The following AP1B1 variants were observed in gnomAD, a reference collection of about 807,000 sequenced individuals.
The protein encoded by AP1B1 is adaptor related protein complex 1 subunit beta 1.
A neutral mutation model predicts 104.3 loss-of-function variants in AP1B1; 36 were observed. That is an observed-to-expected ratio of 0.35 (90% CI 0.26 to 0.46). The LOEUF (loss-of-function observed/expected upper bound fraction) is 0.46, where lower values mean the gene tolerates loss of function less well. Among genes scored for constraint, AP1B1 ranks in the 20% least tolerant of loss-of-function variants. The pLI is 1.00. For missense variants in AP1B1, 901 were observed against 1,247.9 expected (o/e 0.72, Z 4.19); for synonymous variants, 504 against 517.5 (o/e 0.97, Z 0.35).
chr22:29,378,763 G>A (rs2062388983), intron 1 of AP1B1, among the ~76,000 whole-genome samples: 1 of 150,654 alleles, frequency 6.6e-6, no homozygotes. Flanking sequence ...GGAGGCTGAG[G>A]CAGGAGAATG....
At position 29,351,189 on chromosome 22, in the gene AP1B1, G is replaced by A. The variant is rs895188655; in HGVS notation, c.1137C>T (p.Arg379=). ...GCCTCACCTCCACCTTGATGGCGCA[G>A]CGGCCAATAGCACGCACAGCCTTCC... ...FVRKAVRAIG[R]CAIKVEQSAE... is the part of the protein sequence containing the mutation. Residue 379 remains arginine, a synonymous_variant, in exon 9 of 23, where the codon CGC becomes CGT. Coordinates refer to ENST00000357586, the MANE Select transcript of AP1B1 (RefSeq NM_001127.4). The A allele has an allele frequency of 3.6e-5, 58 of 1,612,806 alleles. No individual in the cohort carries two copies. Among genetic ancestry groups the A allele is most frequent in the Non-Finnish European group, 4.8e-5 (57 of 1,178,922 alleles).
In AP1B1 at chr22:29,354,748, C is replaced by T. The variant is rs776865322; in HGVS notation, c.840G>A (p.Leu280=). The change falls in exon 7 of 23, where the codon CTG becomes CTA. Residue 280 remains leucine (L), a synonymous_variant. Transcript: ENST00000357586. ...CCAGGGGTGGGGCCAGCTTCTTGAG[C>T]AGTGTGCCGTAGTAGTCCAAGTCCT... The part of the protein sequence containing the change: ...LSKDLDYYGT[L]LKKLAPPLVT... 6.2e-7 allele frequency: 1 copy of T among 1,614,084 alleles called. No individual in the cohort carries two copies. The highest frequency in any genetic ancestry group is 8.5e-7 in the Non-Finnish European group (1 of 1,180,034).
chr22:29,386,289 T>C (rs1354219134), intron 1 of AP1B1, among the ~76,000 whole-genome samples: 1 of 152,182 alleles, frequency 6.6e-6, no homozygotes, highest in Non-Finnish European at 1.5e-5. Flanking sequence ...TGAGCTGGGG[T>C]TGAACCCAGG....
Position 29,329,976 on chromosome 22 carries a change from C to A in AP1B1, c.2767-256G>T, listed in dbSNP as rs900444338. 4 of 1,415,694 alleles carry A rather than the reference C, an allele frequency of 2.8e-6. No homozygotes were observed. In the African/African-American group the frequency reaches 5.8e-5, roughly 20 times the overall value. The allele number at this position is 1,415,694 out of a possible 1,614,324, so 87.7% of individuals were successfully genotyped here. On this transcript the variant is annotated intron_variant, in intron 21 of 22. Coordinates refer to ENST00000357586, the MANE Select transcript of AP1B1 (RefSeq NM_001127.4). Reference sequence around the variant, plus strand: ...AACTGTGTGCCCCAGGGAAGCCATTCTCTAACAGGTCTACCTCAAAGGCTG... The same window carrying A: ...AACTGTGTGCCCCAGGGAAGCCATTATCTAACAGGTCTACCTCAAAGGCTG...
At chr22:29,373,428 G>C (rs1042369629) in intron 1 of AP1B1, among the ~76,000 whole-genome samples, 35 of 152,084 alleles carry the variant, frequency 2.3e-4, no homozygotes, top group African/African-American at 8.5e-4. Flanking sequence ...TGTGTACAAA[G>C]CTCTAAGAGG....
At chr22:29,332,069 G>A (rs2061570039) in intron 17 of AP1B1, 153 bp from the exon 18 acceptor site, 5 of 727,994 alleles carry the variant, frequency 6.9e-6, no homozygotes, top group Non-Finnish European at 6.4e-6. Context: ...ACAGAAGGAT[G>A]GGCTGTGGGT....
chr22:29,354,499 G>A (rs2061924805), intron 7 of AP1B1, 151 bp downstream of exon 7: 4 of 744,986 alleles, frequency 5.4e-6, no homozygotes, highest in South Asian at 1.8e-5. Context: ...CCTCAGGGGG[G>A]CAAAGCTGCC....
intron 10 of AP1B1, 22 bp downstream of exon 10, chr22:29,350,013 C>T: frequency 1.3e-6 from 2 of 1,589,484 alleles, no homozygotes; most frequent in Non-Finnish European, 1.7e-6. Context: ...GATGCCCTCT[C>T]CCTAGGAGGG....
chr22:29,373,155 C>T (rs1048579753), intron 1 of AP1B1, among the ~76,000 whole-genome samples: 1 of 152,002 alleles, frequency 6.6e-6, no homozygotes. Context: ...CCTGTAGTCC[C>T]AGCTACTCAG....
intron 1 of AP1B1, among the ~76,000 whole-genome samples, chr22:29,377,679 G>A (rs1300565588): frequency 2.6e-5 from 4 of 151,740 alleles, no homozygotes; most frequent in African/African-American, 4.8e-5. Context: ...GCATGGTGGC[G>A]GGCGCCTGTA....
rs555898651 is a variant in AP1B1, at chr22:29,340,639, G to A, written c.1998+17C>T. ...AGGATCATTATCAACATCATCCAGA[G>A]GGGGCCCACAACATACCAGGCTGTC... On this transcript the variant is annotated intron_variant, in intron 14 of 22. Transcript: ENST00000357586. The A allele has an allele frequency of 2.6e-6, 4 of 1,523,646 alleles. No homozygotes were observed. The South Asian group carries it at 3.7e-5, about 14-fold the overall frequency. 94.4% of individuals were successfully genotyped at this position (1,523,646 alleles called of 1,614,324 possible). A position where few individuals can be genotyped will look rare whatever the true frequency, so the allele number is the denominator to read the frequency against.
chr22:29,340,917 C>T (rs2061705301), intron 13 of AP1B1, 60 bp from the exon 14 acceptor site: 3 of 1,506,800 alleles, frequency 2.0e-6, no homozygotes, highest in Non-Finnish European at 2.7e-6. Flanking sequence ...TCAAAGAGAC[C>T]CCAGCCTCCA....
chr22:29,356,382 A>G (rs2061957920), intron 6 of AP1B1, 44 bp downstream of exon 6: 2 of 1,567,116 alleles, frequency 1.3e-6, no homozygotes, highest in Non-Finnish European at 1.7e-6. Flanking sequence ...CCTGAGGACC[A>G]GGGTCCTCAA....
At chr22:29,359,755 C>A (rs2062014614) in intron 4 of AP1B1, 69 bp downstream of exon 4, 1 of 1,552,318 alleles carries the variant, frequency 6.4e-7, no homozygotes, top group Non-Finnish European at 8.7e-7. Flanking sequence ...GGGCCCCGCC[C>A]CAAAGAGACT....
chr22:29,363,660 A>AT (rs2062086578), intron 2 of AP1B1, among the ~76,000 whole-genome samples: 1 of 151,830 alleles, frequency 6.6e-6, no homozygotes, highest in African/African-American at 2.4e-5. Flanking sequence ...AAAAAAAAAA[A>AT]GAGGCTGAGG....
chr22:29,365,381 C>T (rs2062118888), intron 2 of AP1B1, among the ~76,000 whole-genome samples: 1 of 152,088 alleles, frequency 6.6e-6, no homozygotes, highest in Admixed American at 6.6e-5. Flanking sequence ...CATGGTGGCA[C>T]GTGCCTGTAG....
In AP1B1 at chr22:29,354,811, A is replaced by G. The variant is rs764584672; in HGVS notation, c.777T>C (p.Ala259=). The G allele has an allele frequency of 6.2e-7, 1 of 1,614,116 alleles. No homozygotes were observed. Among genetic ancestry groups the G allele is most frequent in the South Asian group, 1.1e-5 (1 of 91,080 alleles). Residue 259 remains alanine (A), a synonymous_variant, in exon 7 of 23, where the codon GCT becomes GCC. Transcript: ENST00000357586. ...SHANSAVVLS[A]VKVLMKFMEM... Reference sequence around the variant, plus strand: ...CCATGAACTTCATCAGCACCTTCACAGCAGAGAGCACCACAGCGGAGTTGG... The same window carrying G: ...CCATGAACTTCATCAGCACCTTCACGGCAGAGAGCACCACAGCGGAGTTGG...
chr22:29,373,794 T>C (rs1461275917), intron 1 of AP1B1, among the ~76,000 whole-genome samples: 2 of 150,572 alleles, frequency 1.3e-5, no homozygotes, highest in East Asian at 1.9e-4. Context: ...CCCAGCTACA[T>C]GGGAGGCTGA....
chr22:29,361,050 T>C lies in AP1B1; in HGVS notation c.144-1091A>G, dbSNP rs547153739. Among the ~76,000 whole-genome samples the C allele has an allele frequency of 7.6e-3, 1,150 of 152,210 alleles. 7 individuals carry two copies. The highest frequency in any genetic ancestry group is 0.013 in the Non-Finnish European group (909 of 68,010). On this transcript the variant is annotated intron_variant, in intron 3 of 22. Coordinates refer to ENST00000357586, the MANE Select transcript of AP1B1 (RefSeq NM_001127.4). ...ATGAGGCCGACTCGCTCTTTGGGGCTTATCATATCAGCAAAGCCAGCTCTT... is the reference window on the plus strand; with the variant it reads ...ATGAGGCCGACTCGCTCTTTGGGGCCTATCATATCAGCAAAGCCAGCTCTT...
Sources: allele counts gnomAD v4.1 joint callset (sites outside exome capture counted in the v4.1 genomes callset), GRCh38; gene constraint gnomAD v4.1.1; transcripts MANE v1.5; gene names NCBI Gene and HGNC (gene_info 2026-07-23, HGNC 2026-07-21).